The following HYCC1 variants were observed in gnomAD, a reference collection of about 807,000 sequenced individuals.
The protein encoded by HYCC1 is hyccin.
At chr7:22,991,156 A>G in the HYCC1 span, 2 of 1,489,500 alleles carry the variant, frequency 1.3e-6, no homozygotes, top group Non-Finnish European at 1.9e-6. Context: ...ATTAACATAG[A>G]AAAATGTTAA....
the HYCC1 span, among the ~76,000 whole-genome samples, chr7:23,004,337 C>T: frequency 6.6e-6 from 1 of 152,160 alleles, no homozygotes; most frequent in African/African-American, 2.4e-5. Context: ...TGCTTAGACC[C>T]TTTCACCAAT....
At chr7:23,002,160 A>ATATATATACAAT in the HYCC1 span, among the ~76,000 whole-genome samples, 3 of 68,192 alleles carry the variant, frequency 4.4e-5, no homozygotes, top group Non-Finnish European at 8.7e-5. Flanking sequence ...ATATATATAT[A>ATATATATACAAT]TATATATATA....
At chr7:22,950,848 C>T in the HYCC1 span, among the ~76,000 whole-genome samples, 1 of 151,000 alleles carries the variant, frequency 6.6e-6, no homozygotes, top group Non-Finnish European at 1.5e-5. Flanking sequence ...TTTCCCAGAA[C>T]TTAACAATCT....
chr7:22,957,246 C>A, the HYCC1 span, among the ~76,000 whole-genome samples: 2 of 150,136 alleles, frequency 1.3e-5, no homozygotes, highest in Non-Finnish European at 3.0e-5. Context: ...TATGCAAACA[C>A]ACCAGTACAT....
chr7:22,928,089 T>C, the HYCC1 span, among the ~76,000 whole-genome samples: 3 of 152,140 alleles, frequency 2.0e-5, no homozygotes, highest in South Asian at 4.1e-4. Context: ...AAAAACCACA[T>C]GATTATCTCA....
the HYCC1 span, among the ~76,000 whole-genome samples, chr7:22,996,786 C>T: frequency 6.6e-6 from 1 of 151,938 alleles, no homozygotes; most frequent in Non-Finnish European, 1.5e-5. Flanking sequence ...GCTAACCCAC[C>T]CCCACATTTC....
the HYCC1 span, among the ~76,000 whole-genome samples, chr7:22,973,145 T>G: frequency 6.6e-6 from 1 of 152,226 alleles, no homozygotes; most frequent in Non-Finnish European, 1.5e-5. Context: ...AGGATCACTT[T>G]CATCTTCAGG....
the HYCC1 span, among the ~76,000 whole-genome samples, chr7:22,924,949 C>T: frequency 2.0e-5 from 3 of 152,222 alleles, no homozygotes; most frequent in Non-Finnish European, 4.4e-5. Flanking sequence ...CGGGGACTGA[C>T]ACCTCACACA....
chr7:22,951,464 C>T, the HYCC1 span, among the ~76,000 whole-genome samples: 1 of 151,920 alleles, frequency 6.6e-6, no homozygotes, highest in East Asian at 1.9e-4. Context: ...CTGCATCATA[C>T]AATTTTTTAC....
chr7:22,960,190 A>AGTGAAAGT, the HYCC1 span: 1 of 1,500,110 alleles, frequency 6.7e-7, no homozygotes. Context: ...TTATAGCACC[A>AGTGAAAGT]TAAGTACAGT....
chr7:22,967,017 G>A, the HYCC1 span, among the ~76,000 whole-genome samples: 1 of 152,130 alleles, frequency 6.6e-6, no homozygotes, highest in Non-Finnish European at 1.5e-5. Context: ...ATCTCACATT[G>A]TTATGATAGG....
At chr7:22,981,801 GGTGCCTCACACATGGTGTGA>G in the HYCC1 span, among the ~76,000 whole-genome samples, 1 of 152,168 alleles carries the variant, frequency 6.6e-6, no homozygotes, top group Non-Finnish European at 1.5e-5. Flanking sequence ...AAATTTGTGT[GGTGCCTCACACATGGTGTGA>G]GTTCATGTTA....
chr7:22,904,114 C>T, the HYCC1 span, among the ~76,000 whole-genome samples: 2 of 151,978 alleles, frequency 1.3e-5, no homozygotes, highest in African/African-American at 4.8e-5. Context: ...CCTAAAGAAA[C>T]TTAGTAATTG....
the HYCC1 span, chr7:22,984,020 T>C: frequency 6.2e-7 from 1 of 1,604,464 alleles, no homozygotes; most frequent in Non-Finnish European, 8.5e-7. Flanking sequence ...TGTGGCATAA[T>C]TTGGTAAAGA....
the HYCC1 span, among the ~76,000 whole-genome samples, chr7:22,949,736 T>C: frequency 1.3e-5 from 2 of 151,992 alleles, no homozygotes; most frequent in Non-Finnish European, 2.9e-5. Flanking sequence ...AACTGAAATG[T>C]AATCACTTTT....
At chr7:22,954,228 T>C in the HYCC1 span, among the ~76,000 whole-genome samples, 1 of 151,010 alleles carries the variant, frequency 6.6e-6, no homozygotes, top group Non-Finnish European at 1.5e-5. Flanking sequence ...AAAATATTTA[T>C]AAACAATTAT....
At chr7:22,951,720 A>G in the HYCC1 span, among the ~76,000 whole-genome samples, 1 of 151,908 alleles carries the variant, frequency 6.6e-6, no homozygotes, top group Admixed American at 6.6e-5. Context: ...AACATATTAG[A>G]AGAATGATTA....
At chr7:22,998,013 T>G in the HYCC1 span, among the ~76,000 whole-genome samples, 6 of 149,894 alleles carry the variant, frequency 4.0e-5, no homozygotes, top group East Asian at 9.7e-4. Context: ...TTCTTTCTTC[T>G]CATTTCCCAT....
chr7:23,013,970 G>A, the HYCC1 span: 1 of 470,888 alleles, frequency 2.1e-6, no homozygotes, highest in Non-Finnish European at 4.4e-6. Flanking sequence ...GACTCGTGAG[G>A]CTCTCAGCGA....
Sources: allele counts gnomAD v4.1 joint callset (sites outside exome capture counted in the v4.1 genomes callset), GRCh38; gene constraint gnomAD v4.1.1; transcripts MANE v1.5; gene names NCBI Gene and HGNC (gene_info 2026-07-23, HGNC 2026-07-21).